The following TMOD2 variants were observed in gnomAD, a reference collection of about 807,000 sequenced individuals.
TMOD2 encodes tropomodulin 2, also known as tropomodulin-2.
TMOD2 carries 22 observed loss-of-function variants against 39.9 expected under a neutral mutation model. The observed-to-expected ratio is 0.55, with a 90% CI of 0.39 to 0.79. TMOD2 has a LOEUF of 0.79. TMOD2 is among the 30% of genes least tolerant of loss of function. The pLI, the probability that TMOD2 is intolerant of heterozygous loss-of-function variation, is 0.00. For missense variants in TMOD2, 386 were observed against 413.3 expected, an observed-to-expected ratio of 0.93 and a Z score of 0.57; for synonymous variants, 123 against 146.1, an observed-to-expected ratio of 0.84 and a Z score of 1.14.
In TMOD2 at chr15:51,809,168, A is replaced by C. The variant is rs1031675720; in HGVS notation, c.*714A>C. 1 of 152,660 alleles carries C rather than the reference A, an allele frequency of 6.6e-6. No homozygotes were observed. The highest frequency in any genetic ancestry group is 1.5e-5 in the Non-Finnish European group (1 of 68,052). 9.5% of individuals were successfully genotyped at this position (152,660 alleles called of 1,614,324 possible). On this transcript the variant is annotated 3_prime_UTR_variant, in exon 10 of 10. Transcript: ENST00000249700. ...CTACTTTTACTGACTATTCAACATA[A>C]ATTGAATCTTTAACATGACTTTAAA...
intron 7 of TMOD2, among the ~76,000 whole-genome samples, chr15:51,788,920 C>T (rs145633424): frequency 2.6e-4 from 40 of 152,154 alleles, no homozygotes; most frequent in African/African-American, 9.7e-4. Context: ...ATTGTAAAGA[C>T]CGTCAACGCT....
intron 7 of TMOD2, among the ~76,000 whole-genome samples, chr15:51,790,171 G>T (rs1204247791): frequency 6.6e-6 from 1 of 152,050 alleles, no homozygotes; most frequent in Non-Finnish European, 1.5e-5. Context: ...TGATAAAGGG[G>T]ATATCACCAC....
At chr15:51,803,778 G>C (rs2056104948) in intron 8 of TMOD2, among the ~76,000 whole-genome samples, 1 of 152,170 alleles carries the variant, frequency 6.6e-6, no homozygotes, top group South Asian at 2.1e-4. Flanking sequence ...TACAGGAACT[G>C]TAAGCTAATA....
chr15:51,782,884 A>C (rs1247480676), intron 7 of TMOD2, 56 bp downstream of exon 7: 1 of 1,519,954 alleles, frequency 6.6e-7, no homozygotes, highest in African/African-American at 1.4e-5. Context: ...TGGAAACTCT[A>C]TTTACTTTGT....
At chr15:51,784,326 G>A (rs549929680) in intron 7 of TMOD2, 16 of 152,326 alleles carry the variant, frequency 1.1e-4, no homozygotes, top group Admixed American at 5.9e-4. Context: ...TTAGAAAAAC[G>A]CAAGTTGTCT....
intron 3 of TMOD2, among the ~76,000 whole-genome samples, chr15:51,770,531 C>G (rs967499956): frequency 1.3e-5 from 2 of 152,164 alleles, no homozygotes; most frequent in Non-Finnish European, 2.9e-5. Context: ...GCAGGAGCAT[C>G]CAGCTCCTAG....
chr15:51,755,283 C>T (rs1164834525), intron 1 of TMOD2, among the ~76,000 whole-genome samples: 1 of 152,194 alleles, frequency 6.6e-6, no homozygotes, highest in Non-Finnish European at 1.5e-5. Context: ...AGTTCCTTGG[C>T]CTTGGTCCCA....
intron 7 of TMOD2, among the ~76,000 whole-genome samples, chr15:51,796,741 A>G (rs2056053930): frequency 6.6e-6 from 1 of 152,226 alleles, no homozygotes; most frequent in Non-Finnish European, 1.5e-5. Context: ...TTACTGTACT[A>G]TCCTCCTCCC....
At chr15:51,760,193 A>G (rs1221425514) in intron 1 of TMOD2, among the ~76,000 whole-genome samples, 3 of 152,236 alleles carry the variant, frequency 2.0e-5, no homozygotes. Context: ...AAATTAGCAT[A>G]AATCCAGTGG....
intron 8 of TMOD2, among the ~76,000 whole-genome samples, chr15:51,805,371 TG>T (rs757046142): frequency 2.6e-5 from 4 of 152,226 alleles, no homozygotes; most frequent in Non-Finnish European, 4.4e-5. Context: ...GAGATTTTTT[TG>T]TAGTCCAGGA....
At chr15:51,771,085 G>A (rs1260344768) in intron 3 of TMOD2, among the ~76,000 whole-genome samples, 1 of 152,220 alleles carries the variant, frequency 6.6e-6, no homozygotes, top group African/African-American at 2.4e-5. Flanking sequence ...TCTCCAGATG[G>A]TTGGTGGGGG....
At chr15:51,790,835 G>A (rs2056006204) in intron 7 of TMOD2, among the ~76,000 whole-genome samples, 1 of 152,158 alleles carries the variant, frequency 6.6e-6, no homozygotes, top group South Asian at 2.1e-4. Flanking sequence ...CAATCAACTA[G>A]GTATTGACGG....
chr15:51,776,302 A>G (rs1168178890), intron 4 of TMOD2, among the ~76,000 whole-genome samples: 3 of 152,228 alleles, frequency 2.0e-5, no homozygotes, highest in African/African-American at 7.2e-5. Flanking sequence ...TCTGCGTAGC[A>G]GTTGCAGGTT....
chr15:51,805,277 GA>G (rs534577342), intron 8 of TMOD2, among the ~76,000 whole-genome samples: 72 of 149,672 alleles, frequency 4.8e-4, no homozygotes, highest in Non-Finnish European at 7.4e-4. Flanking sequence ...TAAAAAAAAA[GA>G]AAAAAAAACC....
chr15:51,782,971 C>CAAT (rs2055941709), intron 7 of TMOD2, 143 bp downstream of exon 7: 1 of 662,306 alleles, frequency 1.5e-6, no homozygotes, highest in South Asian at 1.9e-5. Context: ...AGTTACAATG[C>CAAT]AATAGTTAAA....
At chr15:51,777,606 C>T (rs2055898250) in intron 5 of TMOD2, among the ~76,000 whole-genome samples, 1 of 152,126 alleles carries the variant, frequency 6.6e-6, no homozygotes, top group South Asian at 2.1e-4. Flanking sequence ...TTCATTCATT[C>T]ATCAGTCATC....
In TMOD2 at chr15:51,809,108, A is replaced by G. The variant is rs2056139621; in HGVS notation, c.*654A>G. The G allele has an allele frequency of 1.3e-5, 2 of 152,654 alleles. No individual in the cohort carries two copies. The highest frequency in any genetic ancestry group is 4.8e-5 in the African/African-American group (2 of 41,472). 9.5% of individuals were successfully genotyped at this position (152,654 alleles called of 1,614,324 possible). On this transcript the variant is annotated 3_prime_UTR_variant, in exon 10 of 10. Transcript: ENST00000249700. ...TTATTAACCCACAAATGTAGCATCA[A>G]GCCAGACTCACAGGTAGCAAAATGA...
Position 51,809,044 on chromosome 15 carries a change from A to C in TMOD2, c.*590A>C, listed in dbSNP as rs185381155. The C allele has an allele frequency of 6.5e-6, 1 of 152,698 alleles. No homozygotes were observed. Among genetic ancestry groups the C allele is most frequent in the Non-Finnish European group, 1.5e-5 (1 of 68,042 alleles). 9.5% of individuals were successfully genotyped at this position (152,698 alleles called of 1,614,324 possible). A position where few individuals can be genotyped will look rare whatever the true frequency, so the allele number is the denominator to read the frequency against. ...TAGTGTCATCTTCATAAAGCAAGAC[A>C]ACATTATGACACTTTAAAACAGTAG... On this transcript the variant is annotated 3_prime_UTR_variant, in exon 10 of 10. Transcript: ENST00000249700.
intron 3 of TMOD2, among the ~76,000 whole-genome samples, chr15:51,769,898 A>G (rs2141619193): frequency 6.6e-6 from 1 of 152,128 alleles, no homozygotes; most frequent in African/African-American, 2.4e-5. Flanking sequence ...GCCAAGCATG[A>G]TGGTGCACCC....
Sources: allele counts gnomAD v4.1 joint callset (sites outside exome capture counted in the v4.1 genomes callset), GRCh38; gene constraint gnomAD v4.1.1; transcripts MANE v1.5; gene names NCBI Gene and HGNC (gene_info 2026-07-23, HGNC 2026-07-21).